The following LMO7 variants were observed in gnomAD, a reference collection of about 807,000 sequenced individuals.
LMO7 encodes the protein LIM domain 7, also known as LIM domain only protein 7.
LMO7 carries 120 observed loss-of-function variants against 206.5 expected under a neutral mutation model. That is an observed-to-expected ratio of 0.58 (90% CI 0.50 to 0.68). The LOEUF (loss-of-function observed/expected upper bound fraction) is 0.68. Among genes scored for constraint, LMO7 ranks in the 30% least tolerant of loss-of-function variants. The probability of loss-of-function intolerance (pLI) is 0.00; values close to 1 mark genes in which losing one functional copy is unlikely to be tolerated. For synonymous variants in LMO7, 706 were observed against 681.5 expected, an observed-to-expected ratio of 1.04 and a Z score of -0.56; for missense variants, 1,959 against 1,957.9, an observed-to-expected ratio of 1.00 and a Z score of -0.01.
chr13:75,623,207 G>T, intron 1 of LMO7: 1 of 794,314 alleles, frequency 1.3e-6, no homozygotes, highest in South Asian at 1.5e-5. Flanking sequence ...AATATTTGTT[G>T]ATTACTTTTC....
At chr13:75,855,094 TA>T in intron 28 of LMO7, 165 bp from the exon 29 acceptor site, 1 of 537,274 alleles carries the variant, frequency 1.9e-6, no homozygotes, top group Non-Finnish European at 3.3e-6. Context: ...AGTTAGAGTA[TA>T]ATCAAGGCAC....
chr13:75,855,892 T>C (rs1220952826), intron 29 of LMO7, among the ~76,000 whole-genome samples: 1 of 152,256 alleles, frequency 6.6e-6, no homozygotes, highest in Non-Finnish European at 1.5e-5. Flanking sequence ...AAGACATATC[T>C]GTTTGATTCT....
intron 3 of LMO7, among the ~76,000 whole-genome samples, chr13:75,729,848 A>T (rs2044941269): frequency 6.6e-6 from 1 of 150,452 alleles, no homozygotes; most frequent in East Asian, 2.0e-4. Context: ...GGGTTGTTGA[A>T]TTTTGTCAAA....
At chr13:75,655,526 T>G (rs1216752845) in intron 1 of LMO7, among the ~76,000 whole-genome samples, 1 of 151,876 alleles carries the variant, frequency 6.6e-6, no homozygotes. Flanking sequence ...CTTTCCATGA[T>G]TTCTATCTCT....
intron 1 of LMO7, among the ~76,000 whole-genome samples, chr13:75,708,477 T>A (rs1280223523): frequency 1.3e-5 from 2 of 152,236 alleles, no homozygotes; most frequent in Admixed American, 6.5e-5. Flanking sequence ...TGCCAGATTA[T>A]AAGTGTCAGT....
At chr13:75,703,195 T>C (rs2042399691) in intron 1 of LMO7, among the ~76,000 whole-genome samples, 1 of 152,114 alleles carries the variant, frequency 6.6e-6, no homozygotes, top group South Asian at 2.1e-4. Flanking sequence ...TGTTTGGTCT[T>C]TTTGTTTGTT....
intron 1 of LMO7, among the ~76,000 whole-genome samples, chr13:75,691,905 G>A (rs10220197): frequency 0.098 from 14,817 of 151,946 alleles, 777 homozygotes; most frequent in Middle Eastern, 0.11. Context: ...AGACCTGGAG[G>A]GCCTGCTGAG....
chr13:75,803,021 A>G (rs773946184), intron 7 of LMO7, among the ~76,000 whole-genome samples: 17 of 152,230 alleles, frequency 1.1e-4, no homozygotes, highest in Non-Finnish European at 1.9e-4. Context: ...TTATGACTTT[A>G]AAATTCCACA....
chr13:75,660,727 T>G (rs2038506284), intron 1 of LMO7, among the ~76,000 whole-genome samples: 1 of 152,200 alleles, frequency 6.6e-6, no homozygotes, highest in African/African-American at 2.4e-5. Flanking sequence ...TACTGTGCTG[T>G]CTATGAGTAG....
chr13:75,840,518 G>A (rs1171650763), intron 22 of LMO7, 23 bp downstream of exon 22: 2 of 1,610,522 alleles, frequency 1.2e-6, no homozygotes, highest in Non-Finnish European at 1.7e-6. Flanking sequence ...CACGTGGACG[G>A]GTAGAAACTA....
intron 3 of LMO7, among the ~76,000 whole-genome samples, chr13:75,734,553 A>C (rs1247289358): frequency 6.6e-6 from 1 of 152,176 alleles, no homozygotes; most frequent in Non-Finnish European, 1.5e-5. Context: ...GCAATACCAA[A>C]ATTTCTGGAT....
chr13:75,684,418 T>G (rs991934029), intron 1 of LMO7, among the ~76,000 whole-genome samples: 1 of 152,184 alleles, frequency 6.6e-6, no homozygotes, highest in Admixed American at 6.5e-5. Context: ...ATTTTGTATT[T>G]TTTTTCAGTA....
chr13:75,833,693 G>A (rs977503955), intron 16 of LMO7, among the ~76,000 whole-genome samples: 7 of 151,936 alleles, frequency 4.6e-5, no homozygotes, highest in African/African-American at 1.7e-4. Flanking sequence ...AAAAACAGGA[G>A]TTCCTTTATT....
At chr13:75,845,749 A>G (rs964101724) in intron 26 of LMO7, among the ~76,000 whole-genome samples, 2 of 152,250 alleles carry the variant, frequency 1.3e-5, no homozygotes, top group African/African-American at 4.8e-5. Context: ...AATTCGAATT[A>G]TACATGTAAA....
intron 2 of LMO7, among the ~76,000 whole-genome samples, chr13:75,719,960 G>T (rs2043880381): frequency 6.6e-6 from 1 of 152,198 alleles, no homozygotes; most frequent in East Asian, 1.9e-4. Flanking sequence ...TCTACCAGCA[G>T]AGAATGAGAG....
chr13:75,760,688 C>A, intron 3 of LMO7: 1 of 1,521,388 alleles, frequency 6.6e-7, no homozygotes, highest in Non-Finnish European at 8.8e-7. Flanking sequence ...GTGCCAGTCA[C>A]AAAGATCACA....
At chr13:75,740,245 T>C (rs1401192427) in intron 3 of LMO7, among the ~76,000 whole-genome samples, 2 of 152,112 alleles carry the variant, frequency 1.3e-5, no homozygotes, top group Non-Finnish European at 2.9e-5. Context: ...ATCTCTCTAG[T>C]GGTAATAAGC....
chr13:75,746,385 G>A (rs2046839258), intron 3 of LMO7, among the ~76,000 whole-genome samples: 1 of 152,210 alleles, frequency 6.6e-6, no homozygotes, highest in Non-Finnish European at 1.5e-5. Context: ...ATCACTGGAA[G>A]CCAGCCTTGT....
chr13:75,842,419 C>A (rs566983405), intron 24 of LMO7, among the ~76,000 whole-genome samples: 127 of 152,224 alleles, frequency 8.3e-4, no homozygotes, highest in Non-Finnish European at 1.0e-4. Flanking sequence ...TCAAACATCA[C>A]CTCCTTAGAC....
Sources: gnomAD v4.1 joint callset for allele counts (sites outside exome capture counted in the v4.1 genomes callset) on GRCh38, gnomAD v4.1.1 for gene constraint, MANE v1.5 for transcripts, NCBI Gene and HGNC (gene_info 2026-07-23, HGNC 2026-07-21) for gene names.